Variants in LRRC4C observed in about 807,000 individuals in gnomAD.
LRRC4C encodes the protein leucine-rich repeat-containing protein 4C.
A neutral mutation model predicts 33.6 loss-of-function variants in LRRC4C; 5 were observed. The observed-to-expected ratio is 0.15, with a 90% confidence interval of 0.08 to 0.31. The LOEUF (loss-of-function observed/expected upper bound fraction) is 0.31. Ranked by LOEUF, LRRC4C falls within the 10% of genes least tolerant of loss-of-function variation. LRRC4C has a pLI of 1.00. For synonymous variants in LRRC4C, 329 were observed against 302.0 expected (o/e 1.09, Z -0.93); for missense variants, 560 against 796.7 (o/e 0.70, Z 3.58).
chr11:40,581,886 G>A (rs1379648755), intron 3 of LRRC4C, among the ~76,000 whole-genome samples: 2 of 152,158 alleles, frequency 1.3e-5, no homozygotes, highest in Non-Finnish European at 2.9e-5. Context: ...CTGGGTGACA[G>A]AGCGAGACTC....
At chr11:40,225,750 G>T (rs1413524106) in intron 5 of LRRC4C, among the ~76,000 whole-genome samples, 1 of 151,850 alleles carries the variant, frequency 6.6e-6, no homozygotes, top group East Asian at 1.9e-4. Flanking sequence ...CCAAGTAGCT[G>T]GGATTATAGG....
At chr11:40,412,479 C>G (rs1479904431) in intron 3 of LRRC4C, among the ~76,000 whole-genome samples, 1 of 152,010 alleles carries the variant, frequency 6.6e-6, no homozygotes, top group Non-Finnish European at 1.5e-5. Flanking sequence ...TTCCTTCTTA[C>G]ATGTAATGAT....
intron 2 of LRRC4C, among the ~76,000 whole-genome samples, chr11:40,662,012 A>G (rs1004454961): frequency 2.0e-5 from 3 of 152,244 alleles, no homozygotes; most frequent in East Asian, 1.9e-4. Flanking sequence ...CCACAAATGG[A>G]CAGTATGTGT....
At chr11:41,249,039 C>CTT (rs1454339736) in intron 1 of LRRC4C, among the ~76,000 whole-genome samples, 242 of 145,062 alleles carry the variant, frequency 1.7e-3, no homozygotes, top group African/African-American at 5.8e-3. Flanking sequence ...ATACTGTCTT[C>CTT]TTTTTTTTTT....
chr11:40,166,146 G>A (rs117910971), intron 5 of LRRC4C, among the ~76,000 whole-genome samples: 3,469 of 152,176 alleles, frequency 0.023, 68 homozygotes, highest in Non-Finnish European at 0.034. Context: ...ACATTAGAAT[G>A]TTTATAGCAG....
At position 41,219,198 on chromosome 11, in the gene LRRC4C, T is replaced by G. The variant is rs546467734; in HGVS notation, c.-496+240233A>C. Among the ~76,000 whole-genome samples, 6 of 152,338 alleles carry G rather than the reference T, an allele frequency of 3.9e-5. No homozygotes were observed. In the South Asian group the frequency reaches 1.2e-3, roughly 32 times the overall value. On this transcript the variant is annotated intron_variant, in intron 1 of 6. Transcript: ENST00000528697. The stretch of plus-strand genomic sequence containing the variant: ...TGGGTAGATTCGTTCATTATTCTTT[T>G]CTGTAGACATTATAGTACAGACACA...
chr11:40,656,245 A>C (rs1222002771), intron 2 of LRRC4C, among the ~76,000 whole-genome samples: 1 of 151,294 alleles, frequency 6.6e-6, no homozygotes, highest in Admixed American at 6.6e-5. Context: ...ACTCATCTCT[A>C]ATCCTTCTTT....
At chr11:40,730,546 A>G (rs1321428329) in intron 2 of LRRC4C, among the ~76,000 whole-genome samples, 1 of 152,210 alleles carries the variant, frequency 6.6e-6, no homozygotes, top group Non-Finnish European at 1.5e-5. Context: ...GCAATAGATG[A>G]GTTGAATAAA....
Position 40,979,238 on chromosome 11 carries a change from T to C in LRRC4C, c.-495-45515A>G, listed in dbSNP as rs185061224. 2.3e-4 allele frequency among the ~76,000 whole-genome samples: 35 copies of C among 152,344 alleles called. No individual in the cohort carries two copies. The East Asian group carries it at 5.8e-3, about 25-fold the overall frequency. ...TTACAAAAATATTGTCAGCTTTTTC[T>C]ACAATACTATCAATTCCTTGGATGT... On this transcript the variant is annotated intron_variant, in intron 1 of 6. Coordinates refer to ENST00000528697, the MANE Select transcript of LRRC4C (RefSeq NM_001258419.2).
At chr11:40,556,057 C>A (rs1265710407) in intron 3 of LRRC4C, among the ~76,000 whole-genome samples, 4 of 152,070 alleles carry the variant, frequency 2.6e-5, no homozygotes, top group Non-Finnish European at 4.4e-5. Context: ...CCTCCAATTT[C>A]CCATCTAAAA....
intron 5 of LRRC4C, among the ~76,000 whole-genome samples, chr11:40,208,903 C>T (rs955855886): frequency 2.0e-5 from 3 of 151,668 alleles, no homozygotes; most frequent in East Asian, 1.9e-4. Context: ...GGTATTTACA[C>T]AAGAAAACAG....
At chr11:40,194,734 C>T (rs917146852) in intron 5 of LRRC4C, among the ~76,000 whole-genome samples, 17 of 152,098 alleles carry the variant, frequency 1.1e-4, no homozygotes, top group South Asian at 4.1e-4. Flanking sequence ...CAAACCTGCA[C>T]GTTCTGCACA....
intron 2 of LRRC4C, among the ~76,000 whole-genome samples, chr11:40,663,167 G>A (rs181429847): frequency 5.9e-4 from 90 of 152,202 alleles, no homozygotes; most frequent in African/African-American, 2.0e-3. Context: ...TGCAACCTCC[G>A]CCTCCCAGGT....
chr11:41,418,273 G>A (rs980033676), intron 1 of LRRC4C, among the ~76,000 whole-genome samples: 2 of 151,918 alleles, frequency 1.3e-5, no homozygotes, highest in Non-Finnish European at 2.9e-5. Flanking sequence ...ACTGTTTCCA[G>A]TCAGTCCTTC....
intron 3 of LRRC4C, among the ~76,000 whole-genome samples, chr11:40,399,788 T>A (rs10837398): frequency 0.38 from 57,309 of 151,630 alleles, 11,156 homozygotes; most frequent in South Asian, 0.47. Context: ...AAAAGTAATA[T>A]GAGTGAAATG....
chr11:40,115,427 G>A lies in LRRC4C; in HGVS notation c.866C>T (p.Pro289Leu), dbSNP rs747619230. 3 of 1,614,066 alleles carry A rather than the reference G, an allele frequency of 1.9e-6. No homozygotes were observed. Among genetic ancestry groups the A allele is most frequent in the African/African-American group, 2.7e-5 (2 of 74,926 alleles). The change falls in exon 7 of 7, where the codon CCC becomes CTC. Residue 289 changes from proline (P) to leucine (L), a missense_variant. By Grantham distance (98) the Pro-to-Leu change is moderately conservative. Around this residue, in one of 3 missense-constraint regions of LRRC4C, gnomAD observed 455 missense variants for 643.8 expected, o/e 0.71. Coordinates refer to ENST00000528697, the MANE Select transcript of LRRC4C (RefSeq NM_001258419.2). This position sits in a 1 kb window ranked among gnomAD's most constrained non-coding sequence, Gnocchi z 6.7. The part of the protein sequence containing the change: ...LTLLPHDLFT[P>L]LHHLERIHLH... ...ATGTATCCGCTCTAGATGATGCAAG[G>A]GAGTGAAGAGGTCATGAGGCAGTAA...
At chr11:40,372,614 G>T (rs746782696) in intron 3 of LRRC4C, among the ~76,000 whole-genome samples, 15 of 152,146 alleles carry the variant, frequency 9.9e-5, no homozygotes. Flanking sequence ...TTGGTGGGGA[G>T]GGGGAGACTC....
intron 3 of LRRC4C, among the ~76,000 whole-genome samples, chr11:40,420,774 G>A (rs1316105878): frequency 6.6e-6 from 1 of 152,138 alleles, no homozygotes; most frequent in Non-Finnish European, 1.5e-5. Context: ...GAGCCAGGCT[G>A]TTATTTTACT....
intron 3 of LRRC4C, among the ~76,000 whole-genome samples, chr11:40,355,705 T>G (rs936077082): frequency 6.6e-6 from 1 of 151,946 alleles, no homozygotes; most frequent in African/African-American, 2.4e-5. Flanking sequence ...GGTGGAGGGG[T>G]GGTATAGGCA....
Sources: allele counts gnomAD v4.1 joint callset (sites outside exome capture counted in the v4.1 genomes callset), GRCh38; gene constraint gnomAD v4.1.1; regional missense constraint gnomAD v4.1.1; non-coding constraint Gnocchi (gnomAD v3.1); transcripts MANE v1.5; gene names NCBI Gene and HGNC (gene_info 2026-07-23, HGNC 2026-07-21).